The following KAT2B variants were observed in gnomAD, a reference collection of about 807,000 sequenced individuals.
The protein encoded by KAT2B is lysine acetyltransferase 2B, also known as histone acetyltransferase KAT2B.
In KAT2B, 36 loss-of-function variants were observed where a neutral mutation model predicts 105.9. The observed-to-expected ratio is 0.34, with a 90% CI of 0.26 to 0.45. KAT2B has a LOEUF of 0.45. Among genes scored for constraint, KAT2B ranks in the 20% least tolerant of loss-of-function variants. The pLI, the probability that KAT2B is intolerant of heterozygous loss-of-function variation, is 1.00. For missense variants in KAT2B, 820 were observed against 1,021.6 expected (o/e 0.80, Z 2.69); for synonymous variants, 397 against 377.9 (o/e 1.05, Z -0.59).
At position 20,119,619 on chromosome 3, in the gene KAT2B, C is replaced by A. The variant is rs1276577759; in HGVS notation, c.1172C>A (p.Ala391Asp). ...GCAGTTATCAATCCACCTCCTGTGGCTGGGACAATTTCATACAATTCAACC... is the reference window on the plus strand; with the variant it reads ...GCAGTTATCAATCCACCTCCTGTGGATGGGACAATTTCATACAATTCAACC... ...IQTVINPPPVAGTISYNSTSS... is the reference protein window; with the variant it reads ...IQTVINPPPVDGTISYNSTSS... Residue 391 changes from alanine (A) to aspartate (D), a missense_variant, in exon 8 of 18, where the codon GCT becomes GAT. Physicochemically the swap from Ala to Asp is moderately radical, Grantham distance 126. Transcript: ENST00000263754. 2.5e-6 allele frequency: 4 copies of A among 1,614,100 alleles called. No homozygotes were observed. The South Asian group carries it at 3.3e-5, about 13-fold the overall frequency.
chr3:20,099,907 G>A lies in KAT2B; in HGVS notation c.622G>A (p.Gly208Ser). 1 of 1,609,486 alleles carries A rather than the reference G, an allele frequency of 6.2e-7. No individual in the cohort carries two copies. Among genetic ancestry groups the A allele is most frequent in the Non-Finnish European group, 8.5e-7 (1 of 1,176,244 alleles). Residue 208 changes from glycine to serine, a missense_variant, in exon 4 of 18, where the codon GGC becomes AGC. Gly to Ser is a moderately conservative substitution (Grantham distance 56). Coordinates refer to ENST00000263754, the MANE Select transcript of KAT2B (RefSeq NM_003884.5). Reference protein sequence around the residue: ...ILQRGKPVVEGSLEKKPPFEK... With the variant: ...ILQRGKPVVESSLEKKPPFEK... Reference sequence around the variant, plus strand: ...ACAAAGAGGAAAACCTGTGGTTGAAGGCTCTTTGGAAAAGAAACCCCCATT... The same window carrying A: ...ACAAAGAGGAAAACCTGTGGTTGAAAGCTCTTTGGAAAAGAAACCCCCATT...
At chr3:20,138,331 A>G (rs1032807074) in intron 12 of KAT2B, among the ~76,000 whole-genome samples, 1 of 152,104 alleles carries the variant, frequency 6.6e-6, no homozygotes, top group African/African-American at 2.4e-5. Flanking sequence ...TACTGTGTAT[A>G]TAATAATTTT....
At chr3:20,134,920 A>C (rs1699575307) in intron 11 of KAT2B, among the ~76,000 whole-genome samples, 1 of 152,240 alleles carries the variant, frequency 6.6e-6, no homozygotes, top group Admixed American at 6.5e-5. Context: ...TCAACATGTA[A>C]TAAGTATAAA....
At chr3:20,094,611 A>G (rs1361077077) in intron 2 of KAT2B, among the ~76,000 whole-genome samples, 1 of 152,206 alleles carries the variant, frequency 6.6e-6, no homozygotes, top group Non-Finnish European at 1.5e-5. Context: ...TCACAAAACT[A>G]TAGTAAGACA....
chr3:20,050,705 C>CA (rs1323204960), intron 1 of KAT2B, among the ~76,000 whole-genome samples: 1 of 142,438 alleles, frequency 7.0e-6, no homozygotes, highest in Non-Finnish European at 1.5e-5. Context: ...TGGGATGAAT[C>CA]TTTTTTTTTT....
chr3:20,062,053 A>ATATTATATATAAAAC (rs1559514004), intron 1 of KAT2B, among the ~76,000 whole-genome samples: 3 of 71,140 alleles, frequency 4.2e-5, no homozygotes, highest in Non-Finnish European at 5.9e-5. Flanking sequence ...TAAAACATAT[A>ATATTATATATAAAAC]ATATATATTA....
At chr3:20,059,228 C>T (rs1698053939) in intron 1 of KAT2B, among the ~76,000 whole-genome samples, 1 of 151,606 alleles carries the variant, frequency 6.6e-6, no homozygotes, top group East Asian at 1.9e-4. Context: ...GCCTGGCCAA[C>T]ATGGTGAAAC....
chr3:20,140,396 T>C, intron 13 of KAT2B, 32 bp downstream of exon 13: 1 of 1,610,680 alleles, frequency 6.2e-7, no homozygotes. Context: ...TTACCTTCTG[T>C]ACAGGCCAGT....
chr3:20,114,223 A>G (rs1397005357), intron 6 of KAT2B, among the ~76,000 whole-genome samples: 2 of 152,204 alleles, frequency 1.3e-5, no homozygotes, highest in Non-Finnish European at 2.9e-5. Flanking sequence ...ATAGTAATTA[A>G]TCACTGGTTC....
chr3:20,141,172 T>G (rs1699689204), intron 13 of KAT2B, among the ~76,000 whole-genome samples: 1 of 152,236 alleles, frequency 6.6e-6, no homozygotes, highest in Admixed American at 6.5e-5. Flanking sequence ...TTATTCATCT[T>G]ACATAGACAT....
chr3:20,061,042 A>C (rs1308509324), intron 1 of KAT2B, among the ~76,000 whole-genome samples: 4 of 152,224 alleles, frequency 2.6e-5, no homozygotes, highest in Non-Finnish European at 5.9e-5. Flanking sequence ...ATTGGTATTA[A>C]GAAATTCACA....
intron 5 of KAT2B, among the ~76,000 whole-genome samples, chr3:20,106,298 G>A (rs9857135): frequency 0.18 from 27,333 of 152,192 alleles, 2,580 homozygotes; most frequent in Middle Eastern, 0.23. Context: ...TAGTAGACCC[G>A]AAATCAGTCA....
intron 11 of KAT2B, among the ~76,000 whole-genome samples, chr3:20,129,362 T>G (rs190585538): frequency 6.6e-6 from 1 of 151,126 alleles, no homozygotes; most frequent in Non-Finnish European, 1.5e-5. Flanking sequence ...TTACATTCTT[T>G]GTTCTGTACT....
chr3:20,110,876 A>T (rs1699109668), intron 5 of KAT2B, among the ~76,000 whole-genome samples: 1 of 152,042 alleles, frequency 6.6e-6, no homozygotes, highest in African/African-American at 2.4e-5. Context: ...TCGTGCAGTG[A>T]TGCTGAGGTG....
chr3:20,073,498 T>C (rs908776428), intron 2 of KAT2B, among the ~76,000 whole-genome samples: 1 of 152,172 alleles, frequency 6.6e-6, no homozygotes, highest in East Asian at 1.9e-4. Context: ...AGCATACAAG[T>C]AGATAATGTG....
intron 12 of KAT2B, among the ~76,000 whole-genome samples, chr3:20,138,559 G>A (rs1699643743): frequency 6.6e-6 from 1 of 151,972 alleles, no homozygotes; most frequent in Non-Finnish European, 1.5e-5. Context: ...GTATAAGGGG[G>A]TCAGGAAAGG....
chr3:20,089,728 T>G (rs942925709), intron 2 of KAT2B, among the ~76,000 whole-genome samples: 3 of 152,164 alleles, frequency 2.0e-5, no homozygotes, highest in African/African-American at 7.2e-5. Context: ...TTTTATAGTT[T>G]GCAGTGTACA....
intron 13 of KAT2B, 147 bp downstream of exon 13, chr3:20,140,511 T>G (rs934996053): frequency 1.4e-5 from 11 of 758,980 alleles, no homozygotes; most frequent in Admixed American, 2.8e-5. Flanking sequence ...CTCTCTCTCT[T>G]TTTTGACACA....
At chr3:20,145,540 A>G (rs1309284689) in intron 13 of KAT2B, among the ~76,000 whole-genome samples, 1 of 122,400 alleles carries the variant, frequency 8.2e-6, no homozygotes, top group African/African-American at 2.9e-5. Flanking sequence ...TAATTTCCGG[A>G]TGGGATTTTT....
Sources: allele counts gnomAD v4.1 joint callset (sites outside exome capture counted in the v4.1 genomes callset), GRCh38; gene constraint gnomAD v4.1.1; transcripts MANE v1.5; gene names NCBI Gene and HGNC (gene_info 2026-07-23, HGNC 2026-07-21).